GPHN: variants seen among roughly 807,000 people sequenced by gnomAD.
The protein encoded by GPHN is gephyrin.
A neutral mutation model predicts 95.5 loss-of-function variants in GPHN; 17 were observed. That is an observed-to-expected ratio of 0.18 (90% CI 0.12 to 0.27). GPHN has a LOEUF of 0.27. GPHN is among the 10% of genes least tolerant of loss of function. The pLI is 1.00. For synonymous variants in GPHN, 320 were observed against 322.5 expected (o/e 0.99, Z 0.08); for missense variants, 660 against 978.1 (o/e 0.67, Z 4.34).
chr14:67,121,855 A>T (rs1312654216), intron 16 of GPHN, among the ~76,000 whole-genome samples: 1 of 152,234 alleles, frequency 6.6e-6, no homozygotes, highest in East Asian at 1.9e-4. Context: ...TTCTGTTCAG[A>T]CTTAAGGATA....
intron 2 of GPHN, among the ~76,000 whole-genome samples, chr14:66,730,488 AT>A (rs904850533): frequency 1.6e-4 from 25 of 151,960 alleles, no homozygotes; most frequent in Middle Eastern, 3.2e-3. Flanking sequence ...AAGTTCTCAT[AT>A]TTTTTTTACT....
At chr14:67,715,153 A>G in the GPHN span, 1 of 152,270 alleles carries the variant, frequency 6.6e-6, no homozygotes, top group Non-Finnish European at 1.5e-5. Context: ...GTGAGAACCA[A>G]TGGAAAGAAG....
the GPHN span, among the ~76,000 whole-genome samples, chr14:67,192,097 G>C: frequency 5.9e-5 from 9 of 152,190 alleles, no homozygotes; most frequent in South Asian, 6.2e-4. Flanking sequence ...TGCCACCCTC[G>C]CTCTGCAGCG....
chr14:67,381,289 T>G, the GPHN span, among the ~76,000 whole-genome samples: 1 of 152,216 alleles, frequency 6.6e-6, no homozygotes, highest in Non-Finnish European at 1.5e-5. Flanking sequence ...ATTAGCACCC[T>G]TATATTATAC....
intron 3 of GPHN, among the ~76,000 whole-genome samples, chr14:66,788,210 G>A (rs2059849240): frequency 6.6e-6 from 1 of 152,180 alleles, no homozygotes; most frequent in Admixed American, 6.5e-5. Context: ...TCTGGAGGCT[G>A]AGGCGGGAGA....
intron 10 of GPHN, among the ~76,000 whole-genome samples, chr14:67,056,501 A>G (rs1043090430): frequency 6.6e-6 from 1 of 151,820 alleles, no homozygotes; most frequent in Non-Finnish European, 1.5e-5. Context: ...GCTAGACATA[A>G]AAGTTCTCTA....
chr14:67,365,722 C>T, the GPHN span, among the ~76,000 whole-genome samples: 3 of 152,148 alleles, frequency 2.0e-5, no homozygotes, highest in East Asian at 1.9e-4. Context: ...AGTTTTAGGT[C>T]ATTAGTTACC....
At chr14:66,928,872 G>C (rs1395164678) in intron 8 of GPHN, among the ~76,000 whole-genome samples, 1 of 152,012 alleles carries the variant, frequency 6.6e-6, no homozygotes, top group Non-Finnish European at 1.5e-5. Context: ...TTGTGGGTTA[G>C]ATAAGATACA....
At chr14:67,146,430 A>T (rs2080900520) in intron 18 of GPHN, among the ~76,000 whole-genome samples, 1 of 152,220 alleles carries the variant, frequency 6.6e-6, no homozygotes, top group South Asian at 2.1e-4. Context: ...AATCATATGC[A>T]TTACTATAAG....
intron 4 of GPHN, among the ~76,000 whole-genome samples, chr14:66,862,653 A>T (rs1420852223): frequency 6.6e-6 from 1 of 152,124 alleles, no homozygotes; most frequent in African/African-American, 2.4e-5. Flanking sequence ...ACCAAAAGGG[A>T]TTCTTGGCAA....
intron 9 of GPHN, among the ~76,000 whole-genome samples, chr14:66,984,887 A>C (rs777180165): frequency 6.6e-6 from 1 of 151,878 alleles, no homozygotes; most frequent in Non-Finnish European, 1.5e-5. Context: ...CCAAAACATT[A>C]GTTCTCATTA....
At chr14:67,265,829 C>T in the GPHN span, among the ~76,000 whole-genome samples, 2 of 150,160 alleles carry the variant, frequency 1.3e-5, no homozygotes, top group Admixed American at 1.3e-4. Context: ...TGCACTCCAG[C>T]CTGGGTGACA....
the GPHN span, among the ~76,000 whole-genome samples, chr14:67,661,172 G>A: frequency 2.0e-5 from 3 of 150,730 alleles, no homozygotes; most frequent in African/African-American, 2.4e-5. Flanking sequence ...CTATTTCTGC[G>A]GAGTACTAGC....
the GPHN span, chr14:67,611,329 C>CAGA: frequency 6.6e-6 from 1 of 151,940 alleles, no homozygotes; most frequent in South Asian, 2.1e-4. Context: ...GGTGCCATCT[C>CAGA]GGCTTACTGC....
chr14:67,692,932 G>C, the GPHN span: 1 of 1,590,024 alleles, frequency 6.3e-7, no homozygotes, highest in Non-Finnish European at 8.6e-7. Flanking sequence ...AGGTGAACTT[G>C]CCTCTCTGAG....
chr14:67,551,039 A>G, the GPHN span, among the ~76,000 whole-genome samples: 2 of 152,214 alleles, frequency 1.3e-5, no homozygotes. Context: ...GTATATACAC[A>G]CAGCCCTACA....
rs1415948060 is a variant in GPHN at position 66,516,173 on chromosome 14, A to ATT, written c.64+7597_64+7598dup. ...AGGCGCCTGCCACCATGCCTGGCTA[A>ATT]TTTTTTTTTTTTTTTTGTATTTTTA... is the stretch of plus-strand genomic sequence containing the variant. On this transcript the variant is annotated intron_variant, in intron 1 of 22. Transcript: ENST00000478722. Among the ~76,000 whole-genome samples, 597 of 138,938 alleles carry ATT rather than the reference A, an allele frequency of 4.3e-3. 4 individuals carry two copies. The highest frequency in any genetic ancestry group is 0.015 in the African/African-American group (559 of 37,328). The allele number at this position is 138,938 out of a possible 152,430, so 91.1% of individuals were successfully genotyped here.
At chr14:66,821,416 C>T (rs2061185417) in intron 3 of GPHN, among the ~76,000 whole-genome samples, 1 of 152,146 alleles carries the variant, frequency 6.6e-6, no homozygotes, top group Non-Finnish European at 1.5e-5. Flanking sequence ...TTCCGTGACA[C>T]CACTGGTGCC....
chr14:67,517,656 C>G, the GPHN span, among the ~76,000 whole-genome samples: 60,137 of 151,722 alleles, frequency 0.4, 12,906 homozygotes, highest in East Asian at 0.48. Flanking sequence ...AACTCCATGA[C>G]CTGGGTTTTC....
Sources: allele counts gnomAD v4.1 joint callset (sites outside exome capture counted in the v4.1 genomes callset), GRCh38; gene constraint gnomAD v4.1.1; transcripts MANE v1.5; gene names NCBI Gene and HGNC (gene_info 2026-07-23, HGNC 2026-07-21).